The following SHANK1 variants were observed in gnomAD, a reference collection of about 807,000 sequenced individuals.
The protein encoded by SHANK1 is SH3 and multiple ankyrin repeat domains 1.
A neutral mutation model predicts 165.6 loss-of-function variants in SHANK1; 35 were observed. That is an observed-to-expected ratio of 0.21 (90% CI 0.16 to 0.28). The LOEUF is 0.28. Ranked by LOEUF, SHANK1 falls within the 10% of genes least tolerant of loss-of-function variation. The pLI is 1.00. For synonymous variants in SHANK1, 1,428 were observed against 1,384.8 expected, an observed-to-expected ratio of 1.03 and a Z score of -0.69; for missense variants, 2,681 against 3,036.4, an observed-to-expected ratio of 0.88 and a Z score of 2.75.
At chr19:50,665,735 T>A (rs1985464366) in intron 23 of SHANK1, among the ~76,000 whole-genome samples, 1 of 21,566 alleles carries the variant, frequency 4.6e-5, no homozygotes, top group Non-Finnish European at 9.9e-5. Context: ...AGACCCTGTT[T>A]CTAAAAAAAA....
intron 21 of SHANK1, among the ~76,000 whole-genome samples, chr19:50,679,775 TAGAC>T (rs887070654): frequency 6.0e-5 from 9 of 150,562 alleles, no homozygotes; most frequent in South Asian, 2.1e-4. Context: ...GGGACAGAGA[TAGAC>T]AGAGACAGAG....
In SHANK1 at chr19:50,667,904, C is replaced by G; in HGVS notation, c.4056G>C (p.Pro1352=). The stretch of plus-strand genomic sequence containing the variant: ...CGCGGGCGGCCAGGGCCAGCCCCAG[C>G]GGGGAGGCGGGATCCAGGGCCTTGC... The part of the protein sequence containing the change: ...LTGKALDPAS[P]LGLALAARER... The change falls in exon 23 of 24, where the codon CCG becomes CCC. Residue 1352 remains proline (P), a synonymous_variant. Transcript: ENST00000293441. This position sits in a 1 kb window ranked among gnomAD's most constrained non-coding sequence, Gnocchi z 5.7. 7.5e-7 allele frequency: 1 copy of G among 1,337,700 alleles called. No individual in the cohort carries two copies. The highest frequency in any genetic ancestry group is 9.5e-7 in the Non-Finnish European group (1 of 1,048,684). The allele number at this position is 1,337,700 out of a possible 1,614,324, so 82.9% of individuals were successfully genotyped here.
rs747222883 is a variant in SHANK1, at chr19:50,703,692, G to A, written c.1361C>T (p.Pro454Leu). ...AGGGGCCCCAGAGGACGCGGCCCCCGGGGCGGAGAACACCATCCAGTCGGG... is the reference window on the plus strand; with the variant it reads ...AGGGGCCCCAGAGGACGCGGCCCCCAGGGCGGAGAACACCATCCAGTCGGG... ...ALPDWMVFSA[P>L]GAASSGAPGP... is the part of the protein sequence containing the mutation. The change falls in exon 11 of 24, where the codon CCG (proline) becomes CTG (leucine). Residue 454 changes from proline to leucine, a missense_variant. Physicochemically the swap from Pro to Leu is moderately conservative, Grantham distance 98. This residue lies in a region of SHANK1 where 195 missense variants were observed against 186.2 expected (regional missense o/e 1.05). Coordinates refer to ENST00000293441, the MANE Select transcript of SHANK1 (RefSeq NM_016148.5). 116 of 1,466,344 alleles carry A rather than the reference G, an allele frequency of 7.9e-5. 1 individual carries two copies. The East Asian group carries it at 1.8e-3, about 23-fold the overall frequency. The allele number at this position is 1,466,344 out of a possible 1,614,324, so 90.8% of individuals were successfully genotyped here. A position where few individuals can be genotyped will look rare whatever the true frequency, so the allele number is the denominator to read the frequency against.
At position 50,713,779 on chromosome 19, in the gene SHANK1, G is replaced by C; in HGVS notation, c.792+19C>G. On this transcript the variant is annotated intron_variant, in intron 6 of 23. Transcript: ENST00000293441. This position sits in a 1 kb window ranked among gnomAD's most constrained non-coding sequence, Gnocchi z 6.2. ...AGAGAGGGCCCCATGGCGGGGATGGGGGGTCCCCGAAGCCTCACCGTGAGT... is the reference window on the plus strand; with the variant it reads ...AGAGAGGGCCCCATGGCGGGGATGGCGGGTCCCCGAAGCCTCACCGTGAGT... 6.2e-7 allele frequency: 1 copy of C among 1,610,868 alleles called. No homozygotes were observed. The highest frequency in any genetic ancestry group is 8.5e-7 in the Non-Finnish European group (1 of 1,178,712).
intron 4 of SHANK1, 102 bp from the exon 5 acceptor site, chr19:50,714,392 C>T (rs1437108097): frequency 3.2e-6 from 3 of 945,284 alleles, no homozygotes; most frequent in Non-Finnish European, 4.9e-6. Context: ...CGTGGAGTCA[C>T]ATACGCCATT....
rs1003903847 is a variant in SHANK1 at position 50,666,614 on chromosome 19, G to A, written c.5346C>T (p.Pro1782=). 2 of 1,599,776 alleles carry A rather than the reference G, an allele frequency of 1.3e-6. No homozygotes were observed. Among genetic ancestry groups the A allele is most frequent in the Non-Finnish European group, 1.7e-6 (2 of 1,175,582 alleles). The change falls in exon 23 of 24, where the codon CCC becomes CCT. Residue 1782 remains proline, a synonymous_variant. Coordinates refer to ENST00000293441, the MANE Select transcript of SHANK1 (RefSeq NM_016148.5). Reference sequence around the variant, plus strand: ...CTGTCACCGAGACGGTGGGGCTGGTGGGGGTAACAGGGTCTCGGAGTCCCC... The same window carrying A: ...CTGTCACCGAGACGGTGGGGCTGGTAGGGGTAACAGGGTCTCGGAGTCCCC... ...PSGGLRDPVT[P]TSPTVSVTGA...
rs376281642 is a variant in SHANK1, at chr19:50,693,681, G to A, written c.1964+3415C>T. ...GCACTCAGCCCCTTCCCACGTACCC[G>A]TGTCCATGGCCTGCCCAGAGGCCAC... is the stretch of plus-strand genomic sequence containing the variant. On this transcript the variant is annotated intron_variant, in intron 15 of 23. Transcript: ENST00000293441. Among the ~76,000 whole-genome samples, 28 of 151,760 alleles carry A rather than the reference G, an allele frequency of 1.8e-4. 1 individual carries two copies. Among genetic ancestry groups the A allele is most frequent in the East Asian group, 1.8e-3 (9 of 5,090 alleles).
chr19:50,668,924 C>T lies in SHANK1; in HGVS notation c.3036G>A (p.Gln1012=). The T allele has an allele frequency of 4.5e-6, 1 of 222,188 alleles. No individual in the cohort carries two copies. Among genetic ancestry groups the T allele is most frequent in the Non-Finnish European group, 6.8e-6 (1 of 146,224 alleles). 13.8% of individuals were successfully genotyped at this position (222,188 alleles called of 1,614,324 possible). ...GGGGGTGGGCGTGGTGGTGGTGGGG[C>T]TGAGGGGGCGGGGCGTGGTGGTGGT... ...HHHHHHAPPP[Q]PHHHHAHPPH... The change falls in exon 23 of 24, where the codon CAG becomes CAA. Residue 1012 remains glutamine, a synonymous_variant. Coordinates refer to ENST00000293441, the MANE Select transcript of SHANK1 (RefSeq NM_016148.5).
At position 50,690,558 on chromosome 19, in the gene SHANK1, G is replaced by A. The variant is rs959921137; in HGVS notation, c.1965-1279C>T. On this transcript the variant is annotated intron_variant, in intron 15 of 23. Transcript: ENST00000293441. This position sits in a 1 kb window ranked among gnomAD's most constrained non-coding sequence, Gnocchi z 4.9. Reference sequence around the variant, plus strand: ...AAGCCTGTCCCAGGGCACACTTGTAGCACCTCCCACCCTCACAATCCCAGT... The same window carrying A: ...AAGCCTGTCCCAGGGCACACTTGTAACACCTCCCACCCTCACAATCCCAGT... Among the ~76,000 whole-genome samples, 1 of 152,052 alleles carries A rather than the reference G, an allele frequency of 6.6e-6. No homozygotes were observed. Among genetic ancestry groups the A allele is most frequent in the Non-Finnish European group, 1.5e-5 (1 of 68,010 alleles).
rs1451421198 is a variant in SHANK1 at position 50,717,875 on chromosome 19, G to T, written c.-43-913C>A. ...GGAGGGAGGCTAAGAAGTGAGAGGA[G>T]GGTCTGGGGAACTGAGTGGGGGATC... On this transcript the variant is annotated intron_variant, in intron 1 of 23. Coordinates refer to ENST00000293441, the MANE Select transcript of SHANK1 (RefSeq NM_016148.5). The surrounding 1 kb of genome is among the most constrained non-coding windows in gnomAD (Gnocchi z 5.5). Among the ~76,000 whole-genome samples, 1 of 152,024 alleles carries T rather than the reference G, an allele frequency of 6.6e-6. No individual in the cohort carries two copies. The highest frequency in any genetic ancestry group is 1.5e-5 in the Non-Finnish European group (1 of 67,964).
At chr19:50,671,035 G>A (rs541922330) in intron 22 of SHANK1, among the ~76,000 whole-genome samples, 37 of 151,772 alleles carry the variant, frequency 2.4e-4, no homozygotes, top group South Asian at 6.2e-4. Context: ...CTTGTGATCC[G>A]CCTGCCTCGG....
At position 50,666,495 on chromosome 19, in the gene SHANK1, A is replaced by G. The variant is rs1985520113; in HGVS notation, c.5465T>C (p.Val1822Ala). ...GGCCGTCGGCAAGGGCACCGGTGGG[A>G]CTTCTGGCTCTACAGCCACCGGACC... Reference protein sequence around the residue: ...AGGPVAVEPEVPPVPLPTASS... With the variant: ...AGGPVAVEPEAPPVPLPTASS... Residue 1822 changes from valine to alanine, a missense_variant, in exon 23 of 24, where the codon GTC becomes GCC. By Grantham distance (64) the Val-to-Ala change is moderately conservative. This residue lies in a region of SHANK1 where 1,713 missense variants were observed against 1,630.2 expected (regional missense o/e 1.05). Transcript: ENST00000293441. The G allele has an allele frequency of 6.3e-7, 1 of 1,594,388 alleles. No homozygotes were observed.
chr19:50,716,359 G>A lies in SHANK1; in HGVS notation c.375C>T (p.Ser125=), dbSNP rs1418141088. 9.9e-6 allele frequency: 16 copies of A among 1,614,230 alleles called. 1 individual carries two copies. Among genetic ancestry groups the A allele is most frequent in the Admixed American group, 8.3e-5 (5 of 60,032 alleles). The change falls in exon 3 of 24, where the codon TCC becomes TCT. Residue 125 remains serine, a synonymous_variant. Coordinates refer to ENST00000293441, the MANE Select transcript of SHANK1 (RefSeq NM_016148.5). This position sits in a 1 kb window ranked among gnomAD's most constrained non-coding sequence, Gnocchi z 8.4. The part of the protein sequence containing the change: ...LNYGLFQPAT[S]GRDANFLEEE... ...CCTCCAGGAAGTTGGCATCGCGGCC[G>A]GAGGTGGCCGGTTGGAACAGGCCAT...
intron 4 of SHANK1, 105 bp from the exon 5 acceptor site, chr19:50,714,395 A>G (rs947577578): frequency 1.1e-6 from 1 of 926,838 alleles, no homozygotes; most frequent in Non-Finnish European, 1.7e-6. Flanking sequence ...GGAGTCACAT[A>G]CGCCATTGAA....
At position 50,688,997 on chromosome 19, in the gene SHANK1, G is replaced by A. The variant is rs748570782; in HGVS notation, c.2048-29C>T. The A allele has an allele frequency of 2.1e-5, 31 of 1,490,738 alleles. No homozygotes were observed. Among genetic ancestry groups the A allele is most frequent in the South Asian group, 3.6e-5 (3 of 82,612 alleles). The allele number at this position is 1,490,738 out of a possible 1,614,324, so 92.3% of individuals were successfully genotyped here. A position where few individuals can be genotyped will look rare whatever the true frequency, so the allele number is the denominator to read the frequency against. ...CAGACAGGGAGGAGCCGGCGGGGTC[G>A]GAGGGGAGGGGGTGGAGAGGCCGAG... On this transcript the variant is annotated intron_variant, in intron 16 of 23. Coordinates refer to ENST00000293441, the MANE Select transcript of SHANK1 (RefSeq NM_016148.5). The surrounding 1 kb of genome is among the most constrained non-coding windows in gnomAD (Gnocchi z 6.7).
intron 8 of SHANK1, among the ~76,000 whole-genome samples, chr19:50,706,881 G>A (rs913832772): frequency 2.0e-5 from 3 of 151,906 alleles, no homozygotes; most frequent in East Asian, 1.9e-4. Context: ...AGGTTCAAGC[G>A]ATTCTCCTGC....
At chr19:50,698,062 C>T in intron 12 of SHANK1, 106 bp from the exon 13 acceptor site, 1 of 787,332 alleles carries the variant, frequency 1.3e-6, no homozygotes, top group East Asian at 2.7e-5. Context: ...GCTCCTGGCC[C>T]AAGGCCATCC....
In SHANK1 at chr19:50,703,708, T is replaced by C; in HGVS notation, c.1345A>G (p.Met449Val). The C allele has an allele frequency of 6.9e-7, 1 of 1,459,574 alleles. No homozygotes were observed. Among genetic ancestry groups the C allele is most frequent in the Non-Finnish European group, 9.0e-7 (1 of 1,108,030 alleles). 90.4% of individuals were successfully genotyped at this position (1,459,574 alleles called of 1,614,324 possible). Residue 449 changes from methionine (M) to valine (V), a missense_variant, in exon 11 of 24, where the codon ATG becomes GTG. Met to Val is a conservative substitution (Grantham distance 21, BLOSUM62 1). Around this residue, in one of 10 missense-constraint regions of SHANK1, gnomAD observed 195 missense variants for 186.2 expected, o/e 1.05. Coordinates refer to ENST00000293441, the MANE Select transcript of SHANK1 (RefSeq NM_016148.5). Reference sequence around the variant, plus strand: ...GCGGCCCCCGGGGCGGAGAACACCATCCAGTCGGGCAGCGCCATGCTGGTG... The same window carrying C: ...GCGGCCCCCGGGGCGGAGAACACCACCCAGTCGGGCAGCGCCATGCTGGTG... ...SDTSMALPDW[M>V]VFSAPGAASS...
chr19:50,668,681 G>A lies in SHANK1; in HGVS notation c.3279C>T (p.Ser1093=), dbSNP rs1423611091. ...RYFQLPPRAA[S]AAMYVPARSG... ...AGCGGGCGGGCACGTACATGGCTGC[G>A]CTGGCCGCCCGCGGGGGCAGCTGGA... The change falls in exon 23 of 24, where the codon AGC becomes AGT. Residue 1093 remains serine, a synonymous_variant. Transcript: ENST00000293441. The A allele has an allele frequency of 4.6e-6, 6 of 1,318,398 alleles. No homozygotes were observed. The highest frequency in any genetic ancestry group is 4.8e-6 in the Non-Finnish European group (5 of 1,039,672). 81.7% of individuals were successfully genotyped at this position (1,318,398 alleles called of 1,614,324 possible).
Sources: allele counts gnomAD v4.1 joint callset (sites outside exome capture counted in the v4.1 genomes callset), GRCh38; gene constraint gnomAD v4.1.1; regional missense constraint gnomAD v4.1.1; non-coding constraint Gnocchi (gnomAD v3.1); transcripts MANE v1.5; gene names NCBI Gene and HGNC (gene_info 2026-07-23, HGNC 2026-07-21).